UBE2H: variants seen among roughly 807,000 people sequenced by gnomAD.
UBE2H encodes the protein ubiquitin-conjugating enzyme E2 H.
Under a neutral mutation model 29.0 loss-of-function variants are expected in UBE2H, and 3 were observed. The ratio of observed to expected loss-of-function variants is 0.10; its 90% CI spans 0.05 to 0.27. UBE2H has a LOEUF of 0.27. Ranked by LOEUF, UBE2H falls within the 10% of genes least tolerant of loss-of-function variation. The pLI is 1.00. For synonymous variants in UBE2H, 69 were observed against 82.9 expected (o/e 0.83, Z 0.91); for missense variants, 68 against 228.2 (o/e 0.30, Z 4.52).
chr7:129,857,651 A>G, intron 4 of UBE2H, 88 bp from the exon 5 acceptor site: 1 of 1,339,196 alleles, frequency 7.5e-7, no homozygotes, highest in South Asian at 1.3e-5. Context: ...TATCAAGAGA[A>G]ATACTTCTAA....
At chr7:129,871,771 G>T (rs1242241769) in intron 3 of UBE2H, among the ~76,000 whole-genome samples, 1 of 151,976 alleles carries the variant, frequency 6.6e-6, no homozygotes, top group Non-Finnish European at 1.5e-5. Flanking sequence ...AACTGTTTGG[G>T]ACAGGACTAA....
At chr7:129,892,966 G>A (rs554828905) in intron 1 of UBE2H, among the ~76,000 whole-genome samples, 1 of 152,116 alleles carries the variant, frequency 6.6e-6, no homozygotes, top group Non-Finnish European at 1.5e-5. Context: ...TTCTGAATAA[G>A]GGAAGTATCA....
intron 3 of UBE2H, among the ~76,000 whole-genome samples, chr7:129,868,636 A>G (rs900680767): frequency 5.3e-5 from 8 of 150,566 alleles, no homozygotes; most frequent in Admixed American, 2.0e-4. Flanking sequence ...AAGTCCTCTG[A>G]TAGTAACAAG....
At chr7:129,874,891 G>A (rs1164161949) in intron 3 of UBE2H, among the ~76,000 whole-genome samples, 4 of 152,086 alleles carry the variant, frequency 2.6e-5, no homozygotes, top group Non-Finnish European at 5.9e-5. Flanking sequence ...TAAACTCTAA[G>A]CAGAAAACAA....
intron 1 of UBE2H, among the ~76,000 whole-genome samples, chr7:129,927,475 G>C (rs1190230260): frequency 6.6e-6 from 1 of 152,188 alleles, no homozygotes; most frequent in Non-Finnish European, 1.5e-5. Context: ...TGGAGGCAGA[G>C]GTTGCAGTGA....
chr7:129,894,777 C>T (rs910285151), intron 1 of UBE2H, among the ~76,000 whole-genome samples: 1 of 152,120 alleles, frequency 6.6e-6, no homozygotes, highest in East Asian at 1.9e-4. Flanking sequence ...GCCTGAGCCA[C>T]CGCGCCCGGC....
intron 6 of UBE2H, among the ~76,000 whole-genome samples, chr7:129,836,927 A>G (rs915822769): frequency 1.4e-5 from 2 of 146,092 alleles, no homozygotes; most frequent in African/African-American, 5.0e-5. Context: ...AAGGGCAAAG[A>G]TGTAGATTCC....
chr7:129,867,715 A>AG (rs1805936348), intron 3 of UBE2H, among the ~76,000 whole-genome samples: 1 of 88,344 alleles, frequency 1.1e-5, no homozygotes, highest in Non-Finnish European at 2.3e-5. Flanking sequence ...AAAAAAAAAA[A>AG]AAGAAAACCA....
At chr7:129,869,771 C>T (rs1207070222) in intron 3 of UBE2H, among the ~76,000 whole-genome samples, 1 of 152,200 alleles carries the variant, frequency 6.6e-6, no homozygotes, top group African/African-American at 2.4e-5. Context: ...GACCCAGGGG[C>T]TGCCTTCATG....
intron 6 of UBE2H, among the ~76,000 whole-genome samples, chr7:129,836,712 T>C (rs530885141): frequency 1.3e-5 from 2 of 151,590 alleles, no homozygotes; most frequent in Non-Finnish European, 2.9e-5. Flanking sequence ...AAACCCCATC[T>C]CTACAAAAAT....
chr7:129,834,904 A>C lies in UBE2H; in HGVS notation c.*33T>G. 1.2e-6 allele frequency: 2 copies of C among 1,611,252 alleles called. No homozygotes were observed. The highest frequency in any genetic ancestry group is 1.7e-6 in the Non-Finnish European group (2 of 1,179,568). On this transcript the variant is annotated 3_prime_UTR_variant, in exon 7 of 7. Coordinates refer to ENST00000355621, the MANE Select transcript of UBE2H (RefSeq NM_003344.4). ...AGTCTGCTTCTCATGGTTAGGAAAT[A>C]ATAGTCTTTCTGAAAAGCAGGTGCT...
intron 1 of UBE2H, among the ~76,000 whole-genome samples, chr7:129,917,582 T>C: frequency 6.6e-6 from 1 of 152,330 alleles, no homozygotes; most frequent in Middle Eastern, 3.4e-3. Flanking sequence ...TACATGCTTC[T>C]GTCTAGTTCT....
chr7:129,905,181 G>A (rs1372521700), intron 1 of UBE2H, among the ~76,000 whole-genome samples: 1 of 151,798 alleles, frequency 6.6e-6, no homozygotes, highest in Non-Finnish European at 1.5e-5. Flanking sequence ...GGTCACCCCT[G>A]CAAGCTCAGA....
At chr7:129,863,132 AAC>A (rs1241078345) in intron 3 of UBE2H, among the ~76,000 whole-genome samples, 1 of 152,242 alleles carries the variant, frequency 6.6e-6, no homozygotes, top group East Asian at 1.9e-4. Context: ...ACTTGGAATT[AAC>A]AGTGTCTATA....
rs545466649 is a variant in UBE2H, at chr7:129,910,277, G to A, written c.54-29306C>T. On this transcript the variant is annotated intron_variant, in intron 1 of 6. Transcript: ENST00000355621. ...CCTGGAGGTGAAGGTTACAGTGAAC[G>A]GAGATTGCACCACTGCACTCCAGCC... 7.3e-4 allele frequency among the ~76,000 whole-genome samples: 110 copies of A among 151,602 alleles called. 4 individuals are homozygous for A. The South Asian group carries it at 0.023, about 31-fold the overall frequency.
intron 1 of UBE2H, among the ~76,000 whole-genome samples, chr7:129,921,183 T>TCA (rs1204981361): frequency 1.3e-5 from 2 of 152,158 alleles, no homozygotes; most frequent in African/African-American, 4.8e-5. Context: ...CTAGACTGTG[T>TCA]CACTGTCTCT....
chr7:129,924,704 G>A (rs1326683557), intron 1 of UBE2H, among the ~76,000 whole-genome samples: 1 of 151,756 alleles, frequency 6.6e-6, no homozygotes, highest in Non-Finnish European at 1.5e-5. Context: ...ATTCAAGTTG[G>A]AGAGACTTAA....
intron 6 of UBE2H, among the ~76,000 whole-genome samples, chr7:129,837,386 C>G (rs938226177): frequency 6.6e-6 from 1 of 152,006 alleles, no homozygotes; most frequent in African/African-American, 2.4e-5. Flanking sequence ...GCAGAAAGGT[C>G]CAGCAAAATG....
chr7:129,873,425 C>CTTTTT (rs373132869), intron 3 of UBE2H, among the ~76,000 whole-genome samples: 14 of 122,968 alleles, frequency 1.1e-4, no homozygotes, highest in African/African-American at 3.7e-4. Flanking sequence ...ACATCAAATT[C>CTTTTT]TTTTTTTTTT....
Sources: allele counts gnomAD v4.1 joint callset (sites outside exome capture counted in the v4.1 genomes callset), GRCh38; gene constraint gnomAD v4.1.1; transcripts MANE v1.5; gene names NCBI Gene and HGNC (gene_info 2026-07-23, HGNC 2026-07-21).